The following ANO3 variants were observed in gnomAD, a reference collection of about 807,000 sequenced individuals.
ANO3 encodes the protein anoctamin 3.
A neutral mutation model predicts 144.8 loss-of-function variants in ANO3; 99 were observed. The ratio of observed to expected loss-of-function variants is 0.68; its 90% CI spans 0.58 to 0.81. The LOEUF (loss-of-function observed/expected upper bound fraction) is 0.81, where lower values mean the gene tolerates loss of function less well. Ranked by LOEUF, ANO3 falls within the 30% of genes least tolerant of loss-of-function variation. The probability of loss-of-function intolerance (pLI) is 0.00; values close to 1 mark genes in which losing one functional copy is unlikely to be tolerated. For synonymous variants in ANO3, 414 were observed against 392.6 expected, an observed-to-expected ratio of 1.05 and a Z score of -0.64; for missense variants, 905 against 1,202.2, an observed-to-expected ratio of 0.75 and a Z score of 3.66.
chr11:26,615,435 C>T (rs1336712544), intron 17 of ANO3, among the ~76,000 whole-genome samples: 3 of 130,662 alleles, frequency 2.3e-5, no homozygotes, highest in East Asian at 2.0e-4. Context: ...TTCAGTTCCT[C>T]AATGGTGTCT....
chr11:26,449,496 C>T (rs1858836651), intron 3 of ANO3, among the ~76,000 whole-genome samples: 1 of 25,376 alleles, frequency 3.9e-5, no homozygotes. Context: ...CTCACACACA[C>T]ACACACACAC....
chr11:26,358,291 C>T (rs755910430), intron 1 of ANO3, among the ~76,000 whole-genome samples: 3 of 151,404 alleles, frequency 2.0e-5, no homozygotes, highest in Non-Finnish European at 2.9e-5. Context: ...CCTGCCTCAG[C>T]GTCCTGAGTA....
chr11:26,620,280 C>A (rs1026095494), intron 17 of ANO3, among the ~76,000 whole-genome samples: 11 of 152,050 alleles, frequency 7.2e-5, no homozygotes, highest in African/African-American at 2.4e-4. Flanking sequence ...CTAATTTTGT[C>A]ATATTACAGC....
intron 1 of ANO3, among the ~76,000 whole-genome samples, chr11:26,379,307 C>T (rs1166584750): frequency 6.6e-6 from 1 of 152,104 alleles, no homozygotes; most frequent in Non-Finnish European, 1.5e-5. Flanking sequence ...GAGTTTGATA[C>T]AAGTCATCAG....
At chr11:26,322,003 A>G (rs1376667430) in intron 1 of ANO3, among the ~76,000 whole-genome samples, 1 of 151,894 alleles carries the variant, frequency 6.6e-6, no homozygotes. Context: ...AAGCTTTTTT[A>G]TATTTCATCC....
intron 8 of ANO3, among the ~76,000 whole-genome samples, chr11:26,533,714 G>A (rs979695514): frequency 5.3e-5 from 8 of 152,166 alleles, no homozygotes; most frequent in Non-Finnish European, 7.4e-5. Flanking sequence ...GAGAGAGACA[G>A]TTTAGTCAGA....
intron 6 of ANO3, among the ~76,000 whole-genome samples, chr11:26,522,613 T>A (rs1185308864): frequency 6.6e-6 from 1 of 152,150 alleles, no homozygotes; most frequent in African/African-American, 2.4e-5. Flanking sequence ...TGGAAGATTA[T>A]AGGTAGAAAA....
At chr11:26,356,310 G>A (rs769423191) in intron 1 of ANO3, among the ~76,000 whole-genome samples, 23 of 152,042 alleles carry the variant, frequency 1.5e-4, no homozygotes, top group Non-Finnish European at 3.1e-4. Context: ...ACATATGTAT[G>A]CACCCATGAA....
At chr11:26,535,278 AG>A (rs1172459188) in intron 9 of ANO3, among the ~76,000 whole-genome samples, 4 of 152,242 alleles carry the variant, frequency 2.6e-5, no homozygotes, top group African/African-American at 4.8e-5. Context: ...TTAAATGTTT[AG>A]CAGTATGCTA....
At chr11:26,487,474 A>T (rs1207126410) in intron 4 of ANO3, among the ~76,000 whole-genome samples, 1 of 152,150 alleles carries the variant, frequency 6.6e-6, no homozygotes, top group Admixed American at 6.5e-5. Flanking sequence ...GTACCAGTAG[A>T]GTGGCGTGTT....
intron 3 of ANO3, among the ~76,000 whole-genome samples, chr11:26,457,886 GTT>G (rs1859228882): frequency 6.6e-6 from 1 of 152,018 alleles, no homozygotes; most frequent in Admixed American, 6.6e-5. Flanking sequence ...CCAGAAAGCT[GTT>G]GTCTTTTTTT....
In ANO3 at chr11:26,365,954, TTATATATATA is replaced by T. The variant is rs1158168765; in HGVS notation, c.46+33673_46+33682del. ...TTCCTCTCCCCAAACCATTTTTTCT[TTATATATATA>T]TATATATATATATATATATATATAT... On this transcript the variant is annotated intron_variant, in intron 1 of 26. Transcript: ENST00000256737. Among the ~76,000 whole-genome samples the T allele has an allele frequency of 9.2e-3, 497 of 54,306 alleles. 4 individuals are homozygous for T. The highest frequency in any genetic ancestry group is 0.013 in the African/African-American group (199 of 14,910). 35.6% of individuals were successfully genotyped at this position (54,306 alleles called of 152,430 possible). A position where few individuals can be genotyped will look rare whatever the true frequency, so the allele number is the denominator to read the frequency against.
chr11:26,406,186 CATATT>C (rs1416956121), intron 1 of ANO3, among the ~76,000 whole-genome samples: 1 of 151,808 alleles, frequency 6.6e-6, no homozygotes. Context: ...AAGTTTCTGT[CATATT>C]GTATGTCTGG....
At chr11:26,309,564 T>C (rs1297698544), upstream of ANO3, 1 of 695,798 alleles carries the variant, frequency 1.4e-6, no homozygotes, top group Non-Finnish European at 1.8e-6. Context: ...GCTCTTCTTT[T>C]CCATGATAAT....
chr11:26,557,170 A>G (rs563222466), intron 13 of ANO3, among the ~76,000 whole-genome samples: 5 of 152,160 alleles, frequency 3.3e-5, no homozygotes, highest in Admixed American at 6.6e-5. Flanking sequence ...CATCTTAACA[A>G]TGTTGAACAA....
At chr11:26,289,314 C>G (rs1219963731) in intron 1 of ANO3, among the ~76,000 whole-genome samples, 1 of 151,620 alleles carries the variant, frequency 6.6e-6, no homozygotes, top group Non-Finnish European at 1.5e-5. Flanking sequence ...ACTGAGCATA[C>G]TCAGTAATAA....
rs1849378282 is a variant in ANO3, at chr11:26,531,795, T to C, written c.869+459T>C. On this transcript the variant is annotated intron_variant, in intron 8 of 26. Coordinates refer to ENST00000256737, the MANE Select transcript of ANO3 (RefSeq NM_031418.4). ...CTTATTAAACTAAAATGAATGATAA[T>C]TTTTAAAGAGATTTGTTTCATTACT... 2.6e-5 allele frequency among the ~76,000 whole-genome samples: 4 copies of C among 152,326 alleles called. No homozygotes were observed. In the South Asian group the frequency reaches 8.3e-4, roughly 32 times the overall value.
At chr11:26,440,321 G>C (rs1391749973) in intron 1 of ANO3, among the ~76,000 whole-genome samples, 1 of 151,990 alleles carries the variant, frequency 6.6e-6, no homozygotes, top group Non-Finnish European at 1.5e-5. Flanking sequence ...GTATTTATTT[G>C]GCTCATGTGT....
chr11:26,638,212 T>C (rs1452101275), intron 20 of ANO3, among the ~76,000 whole-genome samples: 1 of 151,504 alleles, frequency 6.6e-6, no homozygotes, highest in African/African-American at 2.4e-5. Flanking sequence ...TTCTAAAAAA[T>C]AGAACAGAAA....
Sources: gnomAD v4.1 joint callset for allele counts (sites outside exome capture counted in the v4.1 genomes callset) on GRCh38, gnomAD v4.1.1 for gene constraint, MANE v1.5 for transcripts, NCBI Gene and HGNC (gene_info 2026-07-23, HGNC 2026-07-21) for gene names.